The following RASEF variants were observed in gnomAD, a reference collection of about 807,000 sequenced individuals.
The protein encoded by RASEF is RAS and EF-hand domain containing, also known as ras and EF-hand domain-containing protein.
In RASEF, 68 loss-of-function variants were observed where a neutral mutation model predicts 90.1. The ratio of observed to expected loss-of-function variants is 0.75; its 90% CI spans 0.62 to 0.92. The LOEUF (loss-of-function observed/expected upper bound fraction) is 0.92, where lower values mean the gene tolerates loss of function less well. Ranked by LOEUF, RASEF falls within the 40% of genes least tolerant of loss-of-function variation. The probability of loss-of-function intolerance (pLI) is 0.00; values close to 1 mark genes in which losing one functional copy is unlikely to be tolerated. For missense variants in RASEF, 949 were observed against 937.2 expected, an observed-to-expected ratio of 1.01 and a Z score of -0.16; for synonymous variants, 331 against 345.2, an observed-to-expected ratio of 0.96 and a Z score of 0.46.
intron 1 of RASEF, among the ~76,000 whole-genome samples, chr9:83,038,722 G>C (rs970935694): frequency 2.0e-5 from 3 of 151,912 alleles, no homozygotes; most frequent in Non-Finnish European, 4.4e-5. Context: ...CTAGTACATA[G>C]GACCACTATA....
At chr9:83,053,669 G>A (rs1374836662) in intron 1 of RASEF, among the ~76,000 whole-genome samples, 2 of 143,762 alleles carry the variant, frequency 1.4e-5, no homozygotes, top group African/African-American at 2.8e-5. Context: ...GCATGATTTT[G>A]CAGCGGCTGG....
the RASEF span, among the ~76,000 whole-genome samples, chr9:83,171,566 T>C: frequency 6.6e-6 from 1 of 151,860 alleles, no homozygotes; most frequent in Non-Finnish European, 1.5e-5. Context: ...GTCCTGGACT[T>C]TTCTATGATG....
intron 2 of RASEF, among the ~76,000 whole-genome samples, chr9:83,023,013 T>C (rs1299574537): frequency 1.3e-5 from 2 of 152,192 alleles, no homozygotes; most frequent in South Asian, 2.1e-4. Flanking sequence ...AACTAGATTG[T>C]GGCAAACAGT....
chr9:83,150,309 C>T, the RASEF span, among the ~76,000 whole-genome samples: 1 of 152,090 alleles, frequency 6.6e-6, no homozygotes, highest in Non-Finnish European at 1.5e-5. Flanking sequence ...GATTGATTAC[C>T]TGGAGGTTGA....
At chr9:83,159,945 G>T in the RASEF span, among the ~76,000 whole-genome samples, 2 of 152,164 alleles carry the variant, frequency 1.3e-5, no homozygotes, top group African/African-American at 4.8e-5. Flanking sequence ...GAGTTTCCCT[G>T]CACAAGCTCT....
the RASEF span, among the ~76,000 whole-genome samples, chr9:83,128,371 C>A: frequency 6.6e-6 from 1 of 152,070 alleles, no homozygotes; most frequent in African/African-American, 2.4e-5. Context: ...CTGATTGGTC[C>A]CCACCCTTCA....
At chr9:82,998,515 CT>C in intron 12 of RASEF, 69 bp from the exon 13 acceptor site, 1 of 1,023,058 alleles carries the variant, frequency 9.8e-7, no homozygotes, top group Non-Finnish European at 1.5e-6. Context: ...TTCAAGCCTT[CT>C]TTAGATGAAG....
At chr9:83,129,761 T>C in the RASEF span, among the ~76,000 whole-genome samples, 4 of 152,202 alleles carry the variant, frequency 2.6e-5, no homozygotes, top group Non-Finnish European at 5.9e-5. Flanking sequence ...GGATATTTGC[T>C]CACACTCTGA....
At chr9:83,144,322 A>AGAAGGAAG in the RASEF span, among the ~76,000 whole-genome samples, 4 of 114,292 alleles carry the variant, frequency 3.5e-5, no homozygotes, top group South Asian at 3.0e-4. Context: ...AAAGAAAGAA[A>AGAAGGAAG]GAAGGAAAGA....
intron 1 of RASEF, among the ~76,000 whole-genome samples, chr9:83,028,286 CCT>C (rs1418330460): frequency 3.3e-5 from 5 of 152,148 alleles, no homozygotes; most frequent in African/African-American, 1.2e-4. Context: ...CAGTTTCTCC[CCT>C]GACAATGCAC....
Position 83,062,677 on chromosome 9 carries a change from A to C in RASEF, c.191T>G (p.Phe64Cys). 2 of 1,575,360 alleles carry C rather than the reference A, an allele frequency of 1.3e-6. No individual in the cohort carries two copies. The highest frequency in any genetic ancestry group is 1.1e-5 in the South Asian group (1 of 87,708). ...GAGGAAGCCACGCGCGAACTCCTGGAAGGTGATGGCGCCGTCACGGTCGGC... is the reference window on the plus strand; with the variant it reads ...GAGGAAGCCACGCGCGAACTCCTGGCAGGTGATGGCGCCGTCACGGTCGGC... The part of the protein sequence containing the change: ...LDADRDGAIT[F>C]QEFARGFLGS... Residue 64 changes from phenylalanine to cysteine, a missense_variant, in exon 1 of 17, where the codon TTC (phenylalanine) becomes TGC (cysteine). By Grantham distance (205) the Phe-to-Cys change is radical (BLOSUM62 -2). Transcript: ENST00000376447.
intron 1 of RASEF, among the ~76,000 whole-genome samples, chr9:83,031,204 G>T (rs1829639801): frequency 1.3e-5 from 2 of 152,156 alleles, no homozygotes; most frequent in Admixed American, 1.3e-4. Context: ...TCCTATTTGG[G>T]TATTTTATCA....
At chr9:83,027,944 T>C (rs1021708023) in intron 1 of RASEF, among the ~76,000 whole-genome samples, 1 of 152,212 alleles carries the variant, frequency 6.6e-6, no homozygotes, top group African/African-American at 2.4e-5. Flanking sequence ...GGCCTTCTTC[T>C]TCTGATCCTA....
chr9:83,030,225 T>G (rs1829620263), intron 1 of RASEF, among the ~76,000 whole-genome samples: 1 of 151,872 alleles, frequency 6.6e-6, no homozygotes, highest in South Asian at 2.1e-4. Flanking sequence ...GGCGTGGTGG[T>G]GGGCGCCTGT....
the RASEF span, among the ~76,000 whole-genome samples, chr9:83,164,712 A>G: frequency 2.6e-3 from 391 of 151,956 alleles, no homozygotes; most frequent in African/African-American, 8.9e-3. Flanking sequence ...TTAAACATCA[A>G]TGATCTAAAT....
At chr9:83,116,304 G>C in the RASEF span, among the ~76,000 whole-genome samples, 10 of 152,114 alleles carry the variant, frequency 6.6e-5, no homozygotes, top group Admixed American at 3.3e-4. Context: ...TCGTTTTTAT[G>C]ACATGGGCCA....
At chr9:83,108,041 G>T in the RASEF span, among the ~76,000 whole-genome samples, 2 of 152,158 alleles carry the variant, frequency 1.3e-5, no homozygotes, top group African/African-American at 4.8e-5. Context: ...AAGTCATGGT[G>T]ATATAAAAGA....
the RASEF span, among the ~76,000 whole-genome samples, chr9:83,197,788 G>A: frequency 6.6e-6 from 1 of 152,130 alleles, no homozygotes; most frequent in Non-Finnish European, 1.5e-5. Context: ...CCGTTAGTCT[G>A]ACAGATTAGG....
intron 8 of RASEF, among the ~76,000 whole-genome samples, 159 bp downstream of exon 8, chr9:83,005,257 T>C (rs1829108007): frequency 1.3e-5 from 2 of 152,178 alleles, no homozygotes; most frequent in Non-Finnish European, 1.5e-5. Flanking sequence ...ATTTTTTAAT[T>C]TGGAAAAATG....
Sources: allele counts gnomAD v4.1 joint callset (sites outside exome capture counted in the v4.1 genomes callset), GRCh38; gene constraint gnomAD v4.1.1; transcripts MANE v1.5; gene names NCBI Gene and HGNC (gene_info 2026-07-23, HGNC 2026-07-21).